The following PPARGC1A variants were observed in gnomAD, a reference collection of about 807,000 sequenced individuals.
PPARGC1A encodes the protein PPARG coactivator 1 alpha.
PPARGC1A carries 25 observed loss-of-function variants against 88.7 expected under a neutral mutation model. The observed-to-expected ratio is 0.28, with a 90% CI of 0.21 to 0.39. The LOEUF is 0.39. Ranked by LOEUF, PPARGC1A falls within the 10% of genes least tolerant of loss-of-function variation. The probability of loss-of-function intolerance (pLI) is 1.00; values close to 1 mark genes in which losing one functional copy is unlikely to be tolerated. For missense variants in PPARGC1A, 880 were observed against 968.7 expected, an observed-to-expected ratio of 0.91 and a Z score of 1.22; for synonymous variants, 363 against 355.6, an observed-to-expected ratio of 1.02 and a Z score of -0.24.
the PPARGC1A span, among the ~76,000 whole-genome samples, chr4:24,308,416 G>C: frequency 6.6e-6 from 1 of 152,036 alleles, no homozygotes; most frequent in Non-Finnish European, 1.5e-5. Flanking sequence ...CTGAGTTAGA[G>C]GCTATATTTC....
the PPARGC1A span, among the ~76,000 whole-genome samples, chr4:24,060,128 C>G: frequency 6.6e-6 from 1 of 152,174 alleles, no homozygotes; most frequent in African/African-American, 2.4e-5. Flanking sequence ...GCTTTAAGCT[C>G]TGAAGATGTG....
the PPARGC1A span, among the ~76,000 whole-genome samples, chr4:24,437,636 GTTT>G: frequency 6.9e-6 from 1 of 144,296 alleles, no homozygotes; most frequent in Non-Finnish European, 1.5e-5. Context: ...TGTTGTTGTT[GTTT>G]TAGTTTTGGT....
the PPARGC1A span, among the ~76,000 whole-genome samples, chr4:24,333,940 CA>C: frequency 4.3e-3 from 59 of 13,830 alleles, no homozygotes; most frequent in African/African-American, 5.6e-3. Context: ...ACAACAACAA[CA>C]AAAAAAAAAA....
chr4:23,983,510 C>T, the PPARGC1A span, among the ~76,000 whole-genome samples: 1 of 152,134 alleles, frequency 6.6e-6, no homozygotes, highest in Non-Finnish European at 1.5e-5. Flanking sequence ...GTAAGAAAAA[C>T]AGCATCCACT....
chr4:24,309,988 G>A, the PPARGC1A span, among the ~76,000 whole-genome samples: 1 of 152,166 alleles, frequency 6.6e-6, no homozygotes, highest in Non-Finnish European at 1.5e-5. Context: ...AATTAGTAAG[G>A]AAAAATGTGT....
chr4:24,155,222 T>C, the PPARGC1A span, among the ~76,000 whole-genome samples: 282 of 152,074 alleles, frequency 1.9e-3, no homozygotes, highest in Non-Finnish European at 3.2e-3. Flanking sequence ...GCAAAATATA[T>C]TGAAGAAGGC....
chr4:24,220,525 T>C, the PPARGC1A span, among the ~76,000 whole-genome samples: 9 of 152,336 alleles, frequency 5.9e-5, no homozygotes, highest in South Asian at 6.2e-4. Context: ...ATATACACTA[T>C]GGAATACCAC....
chr4:24,115,438 A>G, the PPARGC1A span, among the ~76,000 whole-genome samples: 4 of 151,950 alleles, frequency 2.6e-5, no homozygotes, highest in African/African-American at 4.8e-5. Flanking sequence ...CATGGCTTGG[A>G]AAAAAAACCG....
At chr4:23,799,881 A>C (rs1322532654) in intron 12 of PPARGC1A, among the ~76,000 whole-genome samples, 1 of 152,188 alleles carries the variant, frequency 6.6e-6, no homozygotes, top group Non-Finnish European at 1.5e-5. Flanking sequence ...TCATCACTGA[A>C]GAAAATAAGT....
At chr4:23,806,630 G>A (rs1193277754) in intron 10 of PPARGC1A, among the ~76,000 whole-genome samples, 2 of 152,064 alleles carry the variant, frequency 1.3e-5, no homozygotes, top group East Asian at 1.9e-4. Flanking sequence ...ACGCTGATGG[G>A]GTGGATAATA....
the PPARGC1A span, among the ~76,000 whole-genome samples, chr4:24,129,349 CA>C: frequency 2.6e-5 from 4 of 152,208 alleles, no homozygotes; most frequent in African/African-American, 7.2e-5. Flanking sequence ...CAGATGGTAC[CA>C]AATGTTCCAT....
the PPARGC1A span, among the ~76,000 whole-genome samples, chr4:24,349,380 T>C: frequency 6.6e-6 from 1 of 152,130 alleles, no homozygotes; most frequent in East Asian, 1.9e-4. Flanking sequence ...TATGTGCCCT[T>C]TGTCTTCTGC....
the PPARGC1A span, among the ~76,000 whole-genome samples, chr4:24,311,437 C>T: frequency 6.9e-6 from 1 of 145,716 alleles, no homozygotes; most frequent in Non-Finnish European, 1.5e-5. Flanking sequence ...AGATCGAGAC[C>T]ATCCTGGCTA....
At chr4:23,797,438 T>A (rs1577317622) in intron 12 of PPARGC1A, among the ~76,000 whole-genome samples, 2 of 152,130 alleles carry the variant, frequency 1.3e-5, no homozygotes, top group African/African-American at 2.4e-5. Context: ...AGAGGGAAGA[T>A]TCCCCCAGTG....
intron 2 of PPARGC1A, among the ~76,000 whole-genome samples, chr4:23,851,372 T>C (rs1346835673): frequency 7.9e-5 from 12 of 152,200 alleles, no homozygotes; most frequent in Non-Finnish European, 1.6e-4. Flanking sequence ...GATATTGTTA[T>C]GCTGGGACAA....
chr4:23,939,651 C>T, the PPARGC1A span, among the ~76,000 whole-genome samples: 33 of 152,106 alleles, frequency 2.2e-4, no homozygotes, highest in African/African-American at 7.2e-4. Context: ...CCAAGAAATG[C>T]CACAAACTTA....
the PPARGC1A span, among the ~76,000 whole-genome samples, chr4:24,189,294 A>G: frequency 1.3e-5 from 2 of 152,120 alleles, no homozygotes; most frequent in South Asian, 4.1e-4. Context: ...TTAGAATGGT[A>G]ATTTCTATGC....
chr4:23,971,206 A>G, the PPARGC1A span, among the ~76,000 whole-genome samples: 1 of 152,326 alleles, frequency 6.6e-6, no homozygotes, highest in African/African-American at 2.4e-5. Flanking sequence ...ATGCAAGAGT[A>G]CTTAGAGATT....
the PPARGC1A span, among the ~76,000 whole-genome samples, chr4:24,035,975 G>T: frequency 1.6e-4 from 25 of 152,152 alleles, no homozygotes; most frequent in Non-Finnish European, 3.1e-4. Context: ...TCCCATAACT[G>T]CCCCTCTTGG....
Sources: gnomAD v4.1 joint callset for allele counts (sites outside exome capture counted in the v4.1 genomes callset) on GRCh38, gnomAD v4.1.1 for gene constraint, MANE v1.5 for transcripts, NCBI Gene and HGNC (gene_info 2026-07-23, HGNC 2026-07-21) for gene names.